LARGE1: variants seen among roughly 807,000 people sequenced by gnomAD.
LARGE1 encodes xylosyl- and glucuronyltransferase LARGE1.
Under a neutral mutation model 87.6 loss-of-function variants are expected in LARGE1, and 43 were observed. That is an observed-to-expected ratio of 0.49 (90% CI 0.38 to 0.63). The LOEUF (loss-of-function observed/expected upper bound fraction) is 0.63. Among genes scored for constraint, LARGE1 ranks in the 30% least tolerant of loss-of-function variants. The probability of loss-of-function intolerance (pLI) is 0.00; values close to 1 mark genes in which losing one functional copy is unlikely to be tolerated. For synonymous variants in LARGE1, 434 were observed against 394.6 expected, an observed-to-expected ratio of 1.10 and a Z score of -1.18; for missense variants, 802 against 1,000.2, an observed-to-expected ratio of 0.80 and a Z score of 2.67.
intron 7 of LARGE1, among the ~76,000 whole-genome samples, chr22:33,397,727 T>C (rs1282103229): frequency 6.6e-6 from 1 of 152,236 alleles, no homozygotes; most frequent in Non-Finnish European, 1.5e-5. Flanking sequence ...TGAGTGTGCA[T>C]GTGCTCAGGT....
At chr22:33,214,391 CCTGT>C (rs1011627939) in intron 11 of LARGE1, among the ~76,000 whole-genome samples, 7 of 152,248 alleles carry the variant, frequency 4.6e-5, no homozygotes, top group African/African-American at 1.7e-4. Flanking sequence ...CCTTTAAAGT[CCTGT>C]CTACTACTTC....
At chr22:33,564,416 G>A (rs2077959439) in intron 6 of LARGE1, among the ~76,000 whole-genome samples, 1 of 152,084 alleles carries the variant, frequency 6.6e-6, no homozygotes, top group South Asian at 2.1e-4. Flanking sequence ...TCCTTAAAAT[G>A]ATAAACCACA....
intron 12 of LARGE1, among the ~76,000 whole-genome samples, chr22:33,283,768 T>G (rs1462049965): frequency 1.5e-5 from 2 of 133,454 alleles, no homozygotes; most frequent in African/African-American, 5.7e-5. Context: ...CAGAGATAGA[T>G]TCTGTCAAAA....
At chr22:33,299,084 T>A (rs1005907054) in intron 12 of LARGE1, among the ~76,000 whole-genome samples, 2 of 151,746 alleles carry the variant, frequency 1.3e-5, no homozygotes, top group African/African-American at 2.4e-5. Context: ...TGGTGGCGCA[T>A]GCCTATAATC....
At chr22:33,837,275 C>CAT (rs1239412937) in intron 1 of LARGE1, among the ~76,000 whole-genome samples, 1 of 151,818 alleles carries the variant, frequency 6.6e-6, no homozygotes, top group African/African-American at 2.4e-5. Context: ...CACACACACA[C>CAT]ACACACCTAT....
At chr22:33,229,408 G>C (rs1055827454) in intron 11 of LARGE1, among the ~76,000 whole-genome samples, 1 of 151,414 alleles carries the variant, frequency 6.6e-6, no homozygotes, top group Non-Finnish European at 1.5e-5. Context: ...GAGACAAAAA[G>C]ACAAAACAGA....
intron 6 of LARGE1, among the ~76,000 whole-genome samples, chr22:33,485,130 C>T (rs1388610160): frequency 6.6e-6 from 1 of 151,562 alleles, no homozygotes; most frequent in Non-Finnish European, 1.5e-5. Context: ...CCAGGCTAGT[C>T]TCGAACTCCT....
At chr22:33,732,342 A>C (rs1347126688) in intron 2 of LARGE1, 3 of 152,304 alleles carry the variant, frequency 2.0e-5, no homozygotes, top group South Asian at 4.2e-4. Context: ...AAGACCTCAC[A>C]AAAGGGAGCT....
intron 1 of LARGE1, among the ~76,000 whole-genome samples, chr22:33,814,215 C>G (rs1028114825): frequency 4.6e-5 from 7 of 152,134 alleles, no homozygotes; most frequent in Admixed American, 4.6e-4. Flanking sequence ...CTCTATCACT[C>G]AAATCATTCT....
At chr22:33,856,098 T>C (rs1463049461) in intron 1 of LARGE1, among the ~76,000 whole-genome samples, 1 of 152,132 alleles carries the variant, frequency 6.6e-6, no homozygotes, top group Non-Finnish European at 1.5e-5. Flanking sequence ...CTGATCTCAG[T>C]AGGAATAGGG....
At chr22:33,513,851 CAT>C (rs1467942423) in intron 6 of LARGE1, among the ~76,000 whole-genome samples, 3 of 77,376 alleles carry the variant, frequency 3.9e-5, no homozygotes, top group Non-Finnish European at 9.2e-5. Flanking sequence ...ACACACGAGT[CAT>C]GTGCCACATA....
intron 2 of LARGE1, among the ~76,000 whole-genome samples, chr22:33,675,553 C>T (rs143488435): frequency 5.7e-4 from 87 of 152,130 alleles, no homozygotes; most frequent in Admixed American, 4.6e-4. Context: ...TAAGACAAAA[C>T]GAAGGCCAGT....
chr22:33,574,240 T>C (rs35661994), intron 5 of LARGE1, among the ~76,000 whole-genome samples: 103 of 152,144 alleles, frequency 6.8e-4, no homozygotes, highest in Non-Finnish European at 1.4e-3. Context: ...ATGACCCCTT[T>C]TGGAGATCAA....
chr22:33,341,656 C>G (rs953218698), intron 9 of LARGE1, among the ~76,000 whole-genome samples: 1 of 152,158 alleles, frequency 6.6e-6, no homozygotes, highest in Admixed American at 6.5e-5. Flanking sequence ...TAACCAACAA[C>G]GAATGATACA....
chr22:33,842,626 C>T (rs571143377), intron 1 of LARGE1, among the ~76,000 whole-genome samples: 1 of 152,148 alleles, frequency 6.6e-6, no homozygotes, highest in Non-Finnish European at 1.5e-5. Flanking sequence ...CCAGGTGCAG[C>T]TTGACAGATG....
At chr22:33,609,921 A>G (rs1569310422) in intron 4 of LARGE1, among the ~76,000 whole-genome samples, 1 of 151,958 alleles carries the variant, frequency 6.6e-6, no homozygotes, top group Non-Finnish European at 1.5e-5. Context: ...CTCTTTTTTT[A>G]AACACTTTCT....
intron 1 of LARGE1, among the ~76,000 whole-genome samples, chr22:33,873,626 AG>A (rs1160682731): frequency 6.6e-6 from 1 of 152,162 alleles, no homozygotes; most frequent in African/African-American, 2.4e-5. Context: ...GCCACTGACC[AG>A]GGTCCAACAA....
chr22:33,600,650 A>G (rs12172212), intron 5 of LARGE1, among the ~76,000 whole-genome samples: 12,929 of 152,190 alleles, frequency 0.085, 677 homozygotes, highest in African/African-American at 0.14. Context: ...AAGGAGCAAA[A>G]TGAATCTGCA....
the LARGE1 span, among the ~76,000 whole-genome samples, chr22:33,079,221 CTTTTTTTT>C: frequency 1.2e-4 from 10 of 85,778 alleles, no homozygotes; most frequent in Non-Finnish European, 2.0e-4. Context: ...AGTTATCATT[CTTTTTTTT>C]TTTTTTTTTT....
Sources: allele counts gnomAD v4.1 joint callset (sites outside exome capture counted in the v4.1 genomes callset), GRCh38; gene constraint gnomAD v4.1.1; transcripts MANE v1.5; gene names NCBI Gene and HGNC (gene_info 2026-07-23, HGNC 2026-07-21).